Variants in SLC35G2 observed in about 807,000 individuals in gnomAD.
SLC35G2 encodes solute carrier family 35 member G2.
Under a neutral mutation model 27.2 loss-of-function variants are expected in SLC35G2, and 20 were observed. The ratio of observed to expected loss-of-function variants is 0.74; its 90% CI spans 0.52 to 1.07. The LOEUF is 1.07. SLC35G2 is among the 50% of genes least tolerant of loss of function. The pLI is 0.00. For synonymous variants in SLC35G2, 148 were observed against 165.3 expected (o/e 0.90, Z 0.80); for missense variants, 416 against 493.3 (o/e 0.84, Z 1.48).
At chr3:136,840,284 G>T (rs1341546733) in intron 1 of SLC35G2, among the ~76,000 whole-genome samples, 1 of 152,130 alleles carries the variant, frequency 6.6e-6, no homozygotes, top group African/African-American at 2.4e-5. Flanking sequence ...ATTCACCCTA[G>T]TGTGCCCAGA....
At chr3:136,837,206 T>C (rs1430077886) in intron 1 of SLC35G2, 1 of 152,168 alleles carries the variant, frequency 6.6e-6, no homozygotes, top group East Asian at 1.9e-4. Flanking sequence ...CTCTTCAGTT[T>C]GTATAATATT....
rs1052972880 is a variant in SLC35G2 at position 136,819,512 on chromosome 3, T to G, written c.-135T>G. The G allele has an allele frequency of 6.8e-6, 1 of 147,934 alleles. No homozygotes were observed. Among genetic ancestry groups the G allele is most frequent in the Admixed American group, 6.9e-5 (1 of 14,548 alleles). 9.2% of individuals were successfully genotyped at this position (147,934 alleles called of 1,614,324 possible). On this transcript the variant is annotated 5_prime_UTR_variant, in exon 1 of 2. Transcript: ENST00000446465. Reference sequence around the variant, plus strand: ...CGGGGACGGGAGGGCCAGCATCGGCTACGGCCCGGTTTCCCGTTTCTTTCC... The same window carrying G: ...CGGGGACGGGAGGGCCAGCATCGGCGACGGCCCGGTTTCCCGTTTCTTTCC...
At chr3:136,830,512 T>C (rs1414693242) in intron 1 of SLC35G2, among the ~76,000 whole-genome samples, 1 of 152,162 alleles carries the variant, frequency 6.6e-6, no homozygotes, top group Non-Finnish European at 1.5e-5. Context: ...CTCAATCTCC[T>C]GACCTCATGA....
intron 1 of SLC35G2, among the ~76,000 whole-genome samples, chr3:136,845,944 G>A (rs983192618): frequency 7.2e-5 from 11 of 152,018 alleles, no homozygotes; most frequent in Non-Finnish European, 1.2e-4. Context: ...CACTTGGCTG[G>A]TCAAACATTA....
At chr3:136,853,949 T>C (rs907557000) in intron 1 of SLC35G2, among the ~76,000 whole-genome samples, 1 of 152,158 alleles carries the variant, frequency 6.6e-6, no homozygotes, top group African/African-American at 2.4e-5. Flanking sequence ...TTATGGGGAG[T>C]CCAGAATAAA....
intron 1 of SLC35G2, among the ~76,000 whole-genome samples, chr3:136,851,261 G>C (rs746718818): frequency 2.0e-5 from 3 of 151,790 alleles, no homozygotes; most frequent in Non-Finnish European, 2.9e-5. Flanking sequence ...TTGGGAGGCC[G>C]AGGTGGGCAG....
At chr3:136,821,647 G>T (rs1428910494) in intron 1 of SLC35G2, among the ~76,000 whole-genome samples, 1 of 152,168 alleles carries the variant, frequency 6.6e-6, no homozygotes, top group Non-Finnish European at 1.5e-5. Flanking sequence ...GGCCAGGCTG[G>T]TCTTGAACTC....
chr3:136,846,155 C>T (rs1334273318), intron 1 of SLC35G2, among the ~76,000 whole-genome samples: 1 of 152,080 alleles, frequency 6.6e-6, no homozygotes, highest in Non-Finnish European at 1.5e-5. Context: ...GCAATATTGG[C>T]ACTTCTCTGG....
At chr3:136,849,949 A>G (rs1342052118) in intron 1 of SLC35G2, among the ~76,000 whole-genome samples, 2 of 152,056 alleles carry the variant, frequency 1.3e-5, no homozygotes, top group Non-Finnish European at 2.9e-5. Context: ...TACCAAAAAA[A>G]TACAAAAATT....
At chr3:136,847,843 G>C (rs1394361492) in intron 1 of SLC35G2, among the ~76,000 whole-genome samples, 2 of 152,072 alleles carry the variant, frequency 1.3e-5, no homozygotes, top group Non-Finnish European at 2.9e-5. Context: ...TGGTGGCTGT[G>C]GTGGGTGCCT....
intron 1 of SLC35G2, among the ~76,000 whole-genome samples, chr3:136,843,611 A>G (rs1937210932): frequency 6.6e-6 from 1 of 151,492 alleles, no homozygotes; most frequent in Admixed American, 6.6e-5. Context: ...GCTCCATTGC[A>G]CTCCAGCCTG....
chr3:136,854,909 T>A lies in SLC35G2; in HGVS notation c.449T>A (p.Val150Asp). 1.2e-6 allele frequency: 2 copies of A among 1,614,100 alleles called. No individual in the cohort carries two copies. The highest frequency in any genetic ancestry group is 4.5e-5 in the East Asian group (2 of 44,900). ...RSVFQVLSVL[V>D]VCYYQEAPFG... ...GTTTTTCAGGTCTTATCTGTGTTAG[T>A]TGTGTGTTACTATCAGGAGGCCCCC... Residue 150 changes from valine (V) to aspartate (D), a missense_variant, in exon 2 of 2, where the codon GTT becomes GAT. Coordinates refer to ENST00000446465, the MANE Select transcript of SLC35G2 (RefSeq NM_025246.3).
intron 1 of SLC35G2, among the ~76,000 whole-genome samples, chr3:136,827,610 T>C (rs1432774058): frequency 6.6e-6 from 1 of 152,226 alleles, no homozygotes; most frequent in Non-Finnish European, 1.5e-5. Flanking sequence ...TAAGTTTCTG[T>C]CTTAGTACTG....
intron 1 of SLC35G2, among the ~76,000 whole-genome samples, chr3:136,822,839 C>G (rs1349729763): frequency 6.6e-6 from 1 of 152,178 alleles, no homozygotes; most frequent in African/African-American, 2.4e-5. Context: ...GCTTCCAGAT[C>G]TTGGCTATTG....
chr3:136,829,172 A>T (rs191835121), intron 1 of SLC35G2, among the ~76,000 whole-genome samples: 19 of 151,864 alleles, frequency 1.3e-4, no homozygotes, highest in African/African-American at 4.6e-4. Flanking sequence ...GTGTTATAAT[A>T]TTCTATGTTT....
At chr3:136,829,226 G>A (rs986800915) in intron 1 of SLC35G2, among the ~76,000 whole-genome samples, 4 of 150,778 alleles carry the variant, frequency 2.7e-5, no homozygotes, top group Non-Finnish European at 5.9e-5. Flanking sequence ...ACCTTTAGAT[G>A]ACTTTTTTTT....
chr3:136,845,885 C>T (rs1370951321), intron 1 of SLC35G2, among the ~76,000 whole-genome samples: 1 of 150,176 alleles, frequency 6.7e-6, no homozygotes, highest in African/African-American at 2.5e-5. Flanking sequence ...TGAGCCACCG[C>T]ACCCGGCCGT....
chr3:136,838,297 CGT>C (rs1275994368), intron 1 of SLC35G2: 1 of 139,776 alleles, frequency 7.2e-6, no homozygotes, highest in Non-Finnish European at 1.5e-5. Context: ...GCACACACAA[CGT>C]GTGTGTGCTT....
chr3:136,827,007 G>A (rs1415622756), intron 1 of SLC35G2, among the ~76,000 whole-genome samples: 1 of 146,450 alleles, frequency 6.8e-6, no homozygotes, highest in Non-Finnish European at 1.5e-5. Flanking sequence ...GATCATTCTT[G>A]GGTGTTTCTC....
Sources: gnomAD v4.1 joint callset for allele counts (sites outside exome capture counted in the v4.1 genomes callset) on GRCh38, gnomAD v4.1.1 for gene constraint, MANE v1.5 for transcripts, NCBI Gene and HGNC (gene_info 2026-07-23, HGNC 2026-07-21) for gene names.